The following TFG variants were observed in gnomAD, a reference collection of about 807,000 sequenced individuals.
The protein encoded by TFG is trafficking from ER to golgi regulator, also known as protein TFG.
Under a neutral mutation model 51.4 loss-of-function variants are expected in TFG, and 22 were observed. That is an observed-to-expected ratio of 0.43 (90% CI 0.31 to 0.61). The LOEUF is 0.61. TFG is among the 20% of genes least tolerant of loss of function. The probability of loss-of-function intolerance (pLI) is 0.12; values close to 1 mark genes in which losing one functional copy is unlikely to be tolerated. For synonymous variants in TFG, 187 were observed against 165.6 expected, an observed-to-expected ratio of 1.13 and a Z score of -0.99; for missense variants, 419 against 487.7, an observed-to-expected ratio of 0.86 and a Z score of 1.33.
intron 2 of TFG, among the ~76,000 whole-genome samples, chr3:100,718,412 T>C (rs1308227958): frequency 6.6e-6 from 1 of 152,186 alleles, no homozygotes; most frequent in Non-Finnish European, 1.5e-5. Flanking sequence ...TTTTTTACAA[T>C]GTAAAAACCA....
chr3:100,720,479 T>G (rs1279720472), intron 3 of TFG, among the ~76,000 whole-genome samples: 1 of 152,240 alleles, frequency 6.6e-6, no homozygotes, highest in Non-Finnish European at 1.5e-5. Context: ...ACTGGTTTCG[T>G]GTAAGACAGT....
chr3:100,726,045 A>G (rs1367039106), intron 3 of TFG, among the ~76,000 whole-genome samples: 1 of 152,140 alleles, frequency 6.6e-6, no homozygotes, highest in Non-Finnish European at 1.5e-5. Context: ...GAAAGAGAGA[A>G]GCTGATGCTG....
At chr3:100,739,712 C>A (rs2095116095) in intron 6 of TFG, among the ~76,000 whole-genome samples, 1 of 152,072 alleles carries the variant, frequency 6.6e-6, no homozygotes, top group African/African-American at 2.4e-5. Context: ...CTTTTTTCAT[C>A]ATTTTTTCCC....
At chr3:100,745,017 G>T in intron 7 of TFG, 86 bp downstream of exon 7, 1 of 683,278 alleles carries the variant, frequency 1.5e-6, no homozygotes, top group South Asian at 2.7e-5. Context: ...TTGATTTGTA[G>T]TACATTGATA....
intron 5 of TFG, among the ~76,000 whole-genome samples, chr3:100,733,227 C>G (rs2095096710): frequency 6.6e-6 from 1 of 152,066 alleles, no homozygotes; most frequent in African/African-American, 2.4e-5. Context: ...TTTTCGGATT[C>G]TAATAACACA....
chr3:100,731,193 GT>G (rs1436016708), intron 4 of TFG, among the ~76,000 whole-genome samples: 1 of 152,162 alleles, frequency 6.6e-6, no homozygotes, highest in Non-Finnish European at 1.5e-5. Context: ...GGTAACAAAA[GT>G]GATAATCATT....
rs551623673 is a variant in TFG at position 100,745,101 on chromosome 3, G to A, written c.820+170G>A. ...TTTTTAAATATTTTACATTAATATTGTAAATCAACATTTCAGTTTTCTGGT... is the reference window on the plus strand; with the variant it reads ...TTTTTAAATATTTTACATTAATATTATAAATCAACATTTCAGTTTTCTGGT... On this transcript the variant is annotated intron_variant, in intron 7 of 7. Transcript: ENST00000240851. 2.3e-3 allele frequency among the ~76,000 whole-genome samples: 352 copies of A among 152,196 alleles called. 1 individual carries two copies. The highest frequency in any genetic ancestry group is 8.3e-3 in the African/African-American group (345 of 41,518).
chr3:100,717,991 C>A (rs2095050891), intron 2 of TFG, among the ~76,000 whole-genome samples: 1 of 152,110 alleles, frequency 6.6e-6, no homozygotes, highest in Admixed American at 6.6e-5. Flanking sequence ...GTGGTGTGAT[C>A]ATGGCTCATT....
intron 1 of TFG, among the ~76,000 whole-genome samples, chr3:100,712,018 T>C (rs1459419908): frequency 1.3e-5 from 2 of 152,198 alleles, no homozygotes; most frequent in African/African-American, 4.8e-5. Flanking sequence ...GTATTCTTAT[T>C]TTGCATTAAG....
intron 4 of TFG, among the ~76,000 whole-genome samples, chr3:100,730,912 A>C (rs2149080873): frequency 6.6e-6 from 1 of 152,342 alleles, no homozygotes; most frequent in South Asian, 2.1e-4. Flanking sequence ...CTGACGTGGT[A>C]TGCTCTTGGG....
intron 3 of TFG, among the ~76,000 whole-genome samples, chr3:100,724,993 T>C (rs1034890108): frequency 6.6e-6 from 1 of 152,170 alleles, no homozygotes; most frequent in Non-Finnish European, 1.5e-5. Flanking sequence ...AAGCTCCGCC[T>C]CCGGGGCTCA....
intron 1 of TFG, among the ~76,000 whole-genome samples, chr3:100,710,459 G>T (rs1385653127): frequency 6.6e-6 from 1 of 152,208 alleles, no homozygotes; most frequent in Non-Finnish European, 1.5e-5. Context: ...TGCCTTTGAG[G>T]CAGGGTTTGA....
At chr3:100,739,509 C>G (rs765257165) in intron 6 of TFG, among the ~76,000 whole-genome samples, 33 of 152,042 alleles carry the variant, frequency 2.2e-4, no homozygotes, top group Admixed American at 7.2e-4. Context: ...CGCTAAAAAT[C>G]ATCAGAGATC....
intron 4 of TFG, among the ~76,000 whole-genome samples, chr3:100,730,968 T>C (rs1449065709): frequency 6.6e-6 from 1 of 152,210 alleles, no homozygotes; most frequent in African/African-American, 2.4e-5. Flanking sequence ...CTGGTAGACA[T>C]GTTTTAAAGG....
intron 3 of TFG, among the ~76,000 whole-genome samples, chr3:100,722,742 A>C (rs144763564): frequency 8.3e-4 from 126 of 152,342 alleles, no homozygotes; most frequent in African/African-American, 2.8e-3. Context: ...CAGTAAAGAA[A>C]AATAACTAGA....
intron 3 of TFG, among the ~76,000 whole-genome samples, chr3:100,725,158 G>A (rs1009476425): frequency 3.3e-5 from 5 of 152,008 alleles, no homozygotes; most frequent in Admixed American, 6.5e-5. Context: ...TGCCTGCCTC[G>A]GCCTCCCAAA....
intron 5 of TFG, among the ~76,000 whole-genome samples, chr3:100,733,145 C>T (rs1171478540): frequency 6.6e-6 from 1 of 152,096 alleles, no homozygotes; most frequent in Non-Finnish European, 1.5e-5. Context: ...AACCTTAAAG[C>T]AGTACCTATA....
intron 3 of TFG, among the ~76,000 whole-genome samples, chr3:100,722,703 C>G (rs1283492872): frequency 6.6e-6 from 1 of 151,994 alleles, no homozygotes; most frequent in Non-Finnish European, 1.5e-5. Flanking sequence ...ATAATAGAGG[C>G]TAAAAGACAG....
intron 7 of TFG, chr3:100,747,506 A>G (rs2095141352): frequency 6.6e-6 from 1 of 152,322 alleles, no homozygotes; most frequent in Admixed American, 6.6e-5. Flanking sequence ...CTTTCGTTGT[A>G]AAAAAAATTA....
Sources: gnomAD v4.1 joint callset for allele counts (sites outside exome capture counted in the v4.1 genomes callset) on GRCh38, gnomAD v4.1.1 for gene constraint, MANE v1.5 for transcripts, NCBI Gene and HGNC (gene_info 2026-07-23, HGNC 2026-07-21) for gene names.